Variants in SECTM1 observed in about 807,000 individuals in gnomAD.
SECTM1 encodes the protein secreted and transmembrane 1, also known as secreted and transmembrane protein 1.
In SECTM1, 10 loss-of-function variants were observed where a neutral mutation model predicts 18.1. The observed-to-expected ratio is 0.55, with a 90% CI of 0.34 to 0.94. The LOEUF is 0.94. Ranked by LOEUF, SECTM1 falls within the 40% of genes least tolerant of loss-of-function variation. The pLI is 0.02. For synonymous variants in SECTM1, 137 were observed against 139.2 expected, an observed-to-expected ratio of 0.98 and a Z score of 0.11; for missense variants, 297 against 322.6, an observed-to-expected ratio of 0.92 and a Z score of 0.61.
In SECTM1 at chr17:82,323,684, C is replaced by T. The variant is rs552046914; in HGVS notation, c.404-673G>A. ...AGGGCCTGGGGGCTGCTCTGCTGGC[C>T]ACCACTGCTTTCTGGTTGAACCAGA... On this transcript the variant is annotated intron_variant, in intron 3 of 4. Coordinates refer to ENST00000269389, the MANE Select transcript of SECTM1 (RefSeq NM_003004.3). Among the ~76,000 whole-genome samples, 931 of 152,052 alleles carry T rather than the reference C, an allele frequency of 6.1e-3. 7 individuals are homozygous for T. The highest frequency in any genetic ancestry group is 0.01 in the Non-Finnish European group (682 of 67,962).
chr17:82,326,164 T>G lies in SECTM1; in HGVS notation c.94+983A>C, dbSNP rs1599654173. 6.6e-6 allele frequency among the ~76,000 whole-genome samples: 1 copy of G among 152,196 alleles called. No homozygotes were observed. The highest frequency in any genetic ancestry group is 1.9e-4 in the East Asian group (1 of 5,172). ...ACACTTTGGAACCACTGTTGGGGGG[T>G]GGGGGCAGAATCTCCCGAAACCAGG... On this transcript the variant is annotated intron_variant, in intron 2 of 4. Transcript: ENST00000269389. This position sits in a 1 kb window ranked among gnomAD's most constrained non-coding sequence, Gnocchi z 4.3.
Position 82,324,631 on chromosome 17 carries a change from G to T in SECTM1, c.354C>A (p.His118Gln). 1 of 1,612,946 alleles carries T rather than the reference G, an allele frequency of 6.2e-7. No homozygotes were observed. Among genetic ancestry groups the T allele is most frequent in the Non-Finnish European group, 8.5e-7 (1 of 1,179,446 alleles). Residue 118 changes from histidine (H) to glutamine (Q), a missense_variant, in exon 3 of 5, where the codon CAC becomes CAA. Transcript: ENST00000269389. Reference protein sequence around the residue: ...RDSHAGLYMWHLVGHQRNNRQ... With the variant: ...RDSHAGLYMWQLVGHQRNNRQ... ...TGTTATTTCTCTGGTGTCCCACGAG[G>T]TGCCACATGTACAGCCCAGCATGGG...
At position 82,330,963 on chromosome 17, in the gene SECTM1, G is replaced by A. The variant is rs1025814801; in HGVS notation, c.-53+2737C>T. Among the ~76,000 whole-genome samples the A allele has an allele frequency of 7.9e-5, 12 of 152,290 alleles. No homozygotes were observed. The highest frequency in any genetic ancestry group is 6.2e-4 in the South Asian group (3 of 4,824). ...CTTTAGCCCAACTGTGGTGGCGGCC[G>A]CTGCTTCTCACACGCGGGTCCTCTC... On this transcript the variant is annotated intron_variant, in intron 1 of 4. Transcript: ENST00000269389. This position sits in a 1 kb window ranked among gnomAD's most constrained non-coding sequence, Gnocchi z 6.1.
At chr17:82,327,008 A>G in intron 2 of SECTM1, 139 bp downstream of exon 2, 1 of 652,878 alleles carries the variant, frequency 1.5e-6, no homozygotes, top group Non-Finnish European at 2.7e-6. Flanking sequence ...CCACATGGTC[A>G]GGCCCTGGGT....
rs376621577 is a variant in SECTM1, at chr17:82,327,235, C to T, written c.6G>A (p.Gln2=). M[Q]TCPLAFPGHV... ...GGCCAGGGAATGCCAGGGGGCAGGT[C>T]TGCATGGCTGGTGGGACTTGGGCCC... Residue 2 remains glutamine, a synonymous_variant, in exon 2 of 5, where the codon CAG becomes CAA. Transcript: ENST00000269389. 4 of 1,606,092 alleles carry T rather than the reference C, an allele frequency of 2.5e-6. No homozygotes were observed. In the African/African-American group the frequency reaches 5.4e-5, roughly 21 times the overall value.
intron 3 of SECTM1, 181 bp from the exon 4 acceptor site, chr17:82,323,192 G>A (rs750979066): frequency 2.9e-5 from 19 of 659,532 alleles, no homozygotes; most frequent in Non-Finnish European, 3.8e-5. Flanking sequence ...GAGAGGGGGC[G>A]CAGGACCAGA....
rs562189062 is a variant in SECTM1 at position 82,325,285 on chromosome 17, C to G, written c.95-395G>C. Among the ~76,000 whole-genome samples the G allele has an allele frequency of 1.1e-3, 160 of 152,354 alleles. 1 individual carries two copies. The highest frequency in any genetic ancestry group is 9.3e-4 in the Non-Finnish European group (63 of 68,030). On this transcript the variant is annotated intron_variant, in intron 2 of 4. Coordinates refer to ENST00000269389, the MANE Select transcript of SECTM1 (RefSeq NM_003004.3). The surrounding 1 kb of genome is among the most constrained non-coding windows in gnomAD (Gnocchi z 7.6). Reference sequence around the variant, plus strand: ...GTGCTGCCACTGACCTGCCGAATCACCCTCCTCGTGGGAAGCAGTGGCCAG... The same window carrying G: ...GTGCTGCCACTGACCTGCCGAATCAGCCTCCTCGTGGGAAGCAGTGGCCAG...
At position 82,325,513 on chromosome 17, in the gene SECTM1, C is replaced by T. The variant is rs1349371261; in HGVS notation, c.95-623G>A. Reference sequence around the variant, plus strand: ...AACATTCCCTTTCCCCTCCCGGCCACCCGCTCAGCTCCAGGTTGCTGGGCC... The same window carrying T: ...AACATTCCCTTTCCCCTCCCGGCCATCCGCTCAGCTCCAGGTTGCTGGGCC... On this transcript the variant is annotated intron_variant, in intron 2 of 4. Coordinates refer to ENST00000269389, the MANE Select transcript of SECTM1 (RefSeq NM_003004.3). The surrounding 1 kb of genome is among the most constrained non-coding windows in gnomAD (Gnocchi z 7.6). Among the ~76,000 whole-genome samples, 1 of 152,234 alleles carries T rather than the reference C, an allele frequency of 6.6e-6. No individual in the cohort carries two copies. Among genetic ancestry groups the T allele is most frequent in the Non-Finnish European group, 1.5e-5 (1 of 68,042 alleles).
intron 1 of SECTM1, 96 bp downstream of exon 1, chr17:82,333,604 T>TCAGCACCGAGACCCCAGCACCGGGCCCC (rs2052210679): frequency 8.7e-6 from 1 of 114,294 alleles, no homozygotes; most frequent in Non-Finnish European, 1.7e-5. Context: ...CACCGGGCCC[T>TCAGCACCGAGACCCCAGCACCGGGCCCC]CAGCACCGAG....
chr17:82,327,007 C>T (rs2052152003), intron 2 of SECTM1, 140 bp downstream of exon 2: 1 of 654,882 alleles, frequency 1.5e-6, no homozygotes, highest in African/African-American at 1.9e-5. Context: ...TCCACATGGT[C>T]AGGCCCTGGG....
chr17:82,326,365 C>T lies in SECTM1; in HGVS notation c.94+782G>A, dbSNP rs570070074. Among the ~76,000 whole-genome samples, 78 of 152,156 alleles carry T rather than the reference C, an allele frequency of 5.1e-4. No homozygotes were observed. The highest frequency in any genetic ancestry group is 1.0e-3 in the African/African-American group (42 of 41,482). On this transcript the variant is annotated intron_variant, in intron 2 of 4. Transcript: ENST00000269389. The surrounding 1 kb of genome is among the most constrained non-coding windows in gnomAD (Gnocchi z 4.3). Reference sequence around the variant, plus strand: ...CTGTAATCCCAGCACTTTGGGAGGCCGAGGTGGGAGGATCACTTGAGCCCA... The same window carrying T: ...CTGTAATCCCAGCACTTTGGGAGGCTGAGGTGGGAGGATCACTTGAGCCCA...
chr17:82,324,683 T>C lies in SECTM1; in HGVS notation c.302A>G (p.Gln101Arg). The C allele has an allele frequency of 1.2e-6, 2 of 1,614,118 alleles. No homozygotes were observed. The highest frequency in any genetic ancestry group is 4.5e-5 in the East Asian group (2 of 44,878). ...GTCCCGGGCGCCTTTGATCACCAGC[T>C]GTGCCACGCCTCCCTGAACCTGGAG... ...WQLQVQGGVAQLVIKGARDSH... is the reference protein window; with the variant it reads ...WQLQVQGGVARLVIKGARDSH... Residue 101 changes from glutamine to arginine, a missense_variant, in exon 3 of 5, where the codon CAG becomes CGG. Transcript: ENST00000269389.
chr17:82,333,485 G>A (rs1199993359), intron 1 of SECTM1, among the ~76,000 whole-genome samples: 1 of 150,250 alleles, frequency 6.7e-6, no homozygotes, highest in African/African-American at 2.4e-5. Context: ...GGGGGTGACG[G>A]TCCCAGAGGC....
At chr17:82,323,091 C>T in intron 3 of SECTM1, 80 bp from the exon 4 acceptor site, 11 of 1,462,382 alleles carry the variant, frequency 7.5e-6, no homozygotes, top group Middle Eastern at 3.5e-4. Flanking sequence ...TCCCAGCCTC[C>T]TCCTCCTACA....
rs1461089452 is a variant in SECTM1, at chr17:82,326,726, C to T, written c.94+421G>A. On this transcript the variant is annotated intron_variant, in intron 2 of 4. Transcript: ENST00000269389. This position sits in a 1 kb window ranked among gnomAD's most constrained non-coding sequence, Gnocchi z 4.3. ...ACCCTGTTCAAATGCAGATCCACTCCTGGCAGGCCTGAGGTGCGCCTGACT... is the reference window on the plus strand; with the variant it reads ...ACCCTGTTCAAATGCAGATCCACTCTTGGCAGGCCTGAGGTGCGCCTGACT... Among the ~76,000 whole-genome samples, 1 of 152,184 alleles carries T rather than the reference C, an allele frequency of 6.6e-6. No individual in the cohort carries two copies. Among genetic ancestry groups the T allele is most frequent in the Non-Finnish European group, 1.5e-5 (1 of 68,022 alleles).
At position 82,330,906 on chromosome 17, in the gene SECTM1, C is replaced by G. The variant is rs926469914; in HGVS notation, c.-53+2794G>C. 6.6e-6 allele frequency among the ~76,000 whole-genome samples: 1 copy of G among 152,150 alleles called. No homozygotes were observed. Among genetic ancestry groups the G allele is most frequent in the Non-Finnish European group, 1.5e-5 (1 of 68,016 alleles). On this transcript the variant is annotated intron_variant, in intron 1 of 4. Coordinates refer to ENST00000269389, the MANE Select transcript of SECTM1 (RefSeq NM_003004.3). The surrounding 1 kb of genome is among the most constrained non-coding windows in gnomAD (Gnocchi z 6.1). ...CAGCCCCTGGCGGCCTGGACTGCACCGTTCCGGAGATGCTGCCTCCCCACC... is the reference window on the plus strand; with the variant it reads ...CAGCCCCTGGCGGCCTGGACTGCACGGTTCCGGAGATGCTGCCTCCCCACC...
At chr17:82,323,483 G>T (rs1386644512) in intron 3 of SECTM1, among the ~76,000 whole-genome samples, 1 of 151,612 alleles carries the variant, frequency 6.6e-6, no homozygotes, top group African/African-American at 2.4e-5. Context: ...GGTCGGAACC[G>T]GGTGTGGTGA....
intron 3 of SECTM1, among the ~76,000 whole-genome samples, chr17:82,323,898 G>C (rs1489320791): frequency 6.6e-6 from 1 of 151,836 alleles, no homozygotes; most frequent in Non-Finnish European, 1.5e-5. Context: ...GAAGGGTCGG[G>C]GGTGGTCCCA....
At position 82,322,071 on chromosome 17, in the gene SECTM1, C is replaced by A. The variant is rs1474079291; in HGVS notation, c.*90G>T. Reference sequence around the variant, plus strand: ...CCTGCCAAGCAAGCCGGTGTCTGTGCCCTCCGGGTGGGACGAGAGACCCAG... The same window carrying A: ...CCTGCCAAGCAAGCCGGTGTCTGTGACCTCCGGGTGGGACGAGAGACCCAG... On this transcript the variant is annotated 3_prime_UTR_variant, in exon 5 of 5. Coordinates refer to ENST00000269389, the MANE Select transcript of SECTM1 (RefSeq NM_003004.3). 6.1e-6 allele frequency: 8 copies of A among 1,303,500 alleles called. No homozygotes were observed. The highest frequency in any genetic ancestry group is 1.5e-5 in the African/African-American group (1 of 68,308). 80.7% of individuals were successfully genotyped at this position (1,303,500 alleles called of 1,614,324 possible). A position where few individuals can be genotyped will look rare whatever the true frequency, so the allele number is the denominator to read the frequency against.
Sources: gnomAD v4.1 joint callset for allele counts (sites outside exome capture counted in the v4.1 genomes callset) on GRCh38, gnomAD v4.1.1 for gene constraint, Gnocchi (gnomAD v3.1) non-coding constraint, MANE v1.5 for transcripts, NCBI Gene and HGNC (gene_info 2026-07-23, HGNC 2026-07-21) for gene names.